The following FAT1 variants were observed in gnomAD, a reference collection of about 807,000 sequenced individuals.
FAT1 encodes the protein FAT atypical cadherin 1.
In FAT1, 171 loss-of-function variants were observed where a neutral mutation model predicts 329.8. The observed-to-expected ratio is 0.52, with a 90% CI of 0.46 to 0.59. FAT1 has a LOEUF of 0.59. Ranked by LOEUF, FAT1 falls within the 20% of genes least tolerant of loss-of-function variation. FAT1 has a pLI of 0.00. For synonymous variants in FAT1, 2,233 were observed against 2,228.6 expected (o/e 1.00, Z -0.06); for missense variants, 5,672 against 5,774.4 (o/e 0.98, Z 0.57).
intron 2 of FAT1, among the ~76,000 whole-genome samples, chr4:186,675,536 G>A (rs1267456291): frequency 2.0e-5 from 3 of 152,118 alleles, no homozygotes; most frequent in Non-Finnish European, 4.4e-5. Context: ...GGAGGCTGAC[G>A]TGGGAGGATT....
chr4:186,616,491 C>T (rs747153222), intron 11 of FAT1, among the ~76,000 whole-genome samples: 1 of 152,106 alleles, frequency 6.6e-6, no homozygotes, highest in Non-Finnish European at 1.5e-5. Flanking sequence ...CCAGGGACCA[C>T]CCCTGCTCGA....
At chr4:186,661,726 A>G (rs775958142) in intron 3 of FAT1, among the ~76,000 whole-genome samples, 1 of 152,198 alleles carries the variant, frequency 6.6e-6, no homozygotes, top group Non-Finnish European at 1.5e-5. Context: ...GCTCCAATAA[A>G]GTAACAGAAC....
intron 1 of FAT1, among the ~76,000 whole-genome samples, chr4:186,714,165 C>T (rs1024398932): frequency 2.0e-5 from 3 of 152,164 alleles, no homozygotes; most frequent in East Asian, 3.9e-4. Context: ...TGGAGGGCGA[C>T]CAGAGCAGTC....
intron 2 of FAT1, among the ~76,000 whole-genome samples, chr4:186,685,335 C>T (rs931987628): frequency 1.4e-4 from 21 of 152,328 alleles, no homozygotes; most frequent in Middle Eastern, 6.8e-3. Flanking sequence ...CGTTAAACCA[C>T]CACCACAATA....
intron 17 of FAT1, 81 bp from the exon 18 acceptor site, chr4:186,604,655 A>G (rs968690723): frequency 2.4e-6 from 2 of 843,332 alleles, no homozygotes; most frequent in African/African-American, 1.7e-5. Context: ...TGAGTTTTCT[A>G]TAATATAAAA....
intron 3 of FAT1, among the ~76,000 whole-genome samples, chr4:186,653,886 G>T (rs528194647): frequency 6.6e-6 from 1 of 151,948 alleles, no homozygotes; most frequent in Non-Finnish European, 1.5e-5. Context: ...TGACCCCTGC[G>T]GTACATGCTT....
Position 186,708,907 on chromosome 4 carries a change from C to T in FAT1, c.921G>A (p.Arg307=), listed in dbSNP as rs781203125. 7.4e-6 allele frequency: 12 copies of T among 1,613,958 alleles called. No individual in the cohort carries two copies. The highest frequency in any genetic ancestry group is 1.0e-5 in the Non-Finnish European group (12 of 1,179,872). ...GDLLQQFRTV[R]SFPGSKEYKV... is the part of the protein sequence containing the mutation. ...TATACTCCTTACTCCCTGGAAAGGA[C>T]CTCACTGTTCTAAACTGCTGGAGAA... The change falls in exon 2 of 27, where the codon AGG becomes AGA. Residue 307 remains arginine (R), a synonymous_variant. Transcript: ENST00000441802.
In FAT1 at chr4:186,596,845, T is replaced by G; in HGVS notation, c.12695A>C (p.Tyr4232Ser). 1.2e-6 allele frequency: 2 copies of G among 1,614,010 alleles called. No individual in the cohort carries two copies. The highest frequency in any genetic ancestry group is 1.7e-6 in the Non-Finnish European group (2 of 1,179,882). ...GTTCTTATTTAGCTTGGAATCAAAA[T>G]ACGGTCTTTGCAAGAAAGCCGTAGC... ...GPATAFLQRP[Y>S]FDSKLNKNIY... is the part of the protein sequence containing the mutation. The change falls in exon 25 of 27, where the codon TAT becomes TCT. Residue 4232 changes from tyrosine (Y) to serine (S), a missense_variant. Tyr to Ser is a moderately radical substitution (Grantham distance 144). Transcript: ENST00000441802. The surrounding 1 kb of genome is among the most constrained non-coding windows in gnomAD (Gnocchi z 4.7).
upstream of FAT1, chr4:186,726,247 G>GCGCTTCCC (rs1745715539): frequency 1.3e-5 from 2 of 152,250 alleles, no homozygotes; most frequent in Admixed American, 1.3e-4. Context: ...AACCCGTAGG[G>GCGCTTCCC]CGCACACGCT....
At chr4:186,697,831 C>T (rs1383256800) in intron 2 of FAT1, among the ~76,000 whole-genome samples, 1 of 152,206 alleles carries the variant, frequency 6.6e-6, no homozygotes, top group Non-Finnish European at 1.5e-5. Flanking sequence ...ACTGACAACC[C>T]TGGAACCTCC....
chr4:186,709,232 G>A lies in FAT1; in HGVS notation c.596C>T (p.Pro199Leu), dbSNP rs2126702560. Residue 199 changes from proline (P) to leucine (L), a missense_variant, in exon 2 of 27, where the codon CCA (proline) becomes CTA (leucine). By Grantham distance (98) the Pro-to-Leu change is moderately conservative. This residue lies in a region of FAT1 where 3,966 missense variants were observed against 3,915.2 expected (regional missense o/e 1.01). Transcript: ENST00000441802. Reference sequence around the variant, plus strand: ...AGTTAACACTATCACACCACTGGTTGGGTGAATAGCAAACATATCTGTTCG... The same window carrying A: ...AGTTAACACTATCACACCACTGGTTAGGTGAATAGCAAACATATCTGTTCG... ...KDRTDMFAIH[P>L]TSGVIVLTGR... 6.2e-7 allele frequency: 1 copy of A among 1,613,972 alleles called. No homozygotes were observed. The highest frequency in any genetic ancestry group is 8.5e-7 in the Non-Finnish European group (1 of 1,179,890).
chr4:186,667,355 G>C (rs928988422), intron 2 of FAT1, among the ~76,000 whole-genome samples: 2 of 152,182 alleles, frequency 1.3e-5, no homozygotes, highest in Non-Finnish European at 2.9e-5. Flanking sequence ...TATTACTAAA[G>C]GTTAAGACTG....
rs374481523 is a variant in FAT1, at chr4:186,628,345, G to C, written c.4619C>G (p.Pro1540Arg). 6.2e-7 allele frequency: 1 copy of C among 1,612,744 alleles called. No individual in the cohort carries two copies. The highest frequency in any genetic ancestry group is 8.5e-7 in the Non-Finnish European group (1 of 1,179,322). ...AATCCTTGCAAAGTTGCGTTTTACA[G>C]GCACATCTTGATCTCGTACCTAAAA... Reference protein sequence around the residue: ...LTVMVRDQDVPVKRNFARIVV... With the variant: ...LTVMVRDQDVRVKRNFARIVV... Residue 1540 changes from proline to arginine, a missense_variant, in exon 9 of 27, where the codon CCT becomes CGT. Physicochemically the swap from Pro to Arg is moderately radical, Grantham distance 103. Transcript: ENST00000441802.
intron 13 of FAT1, among the ~76,000 whole-genome samples, chr4:186,612,439 T>C (rs544653154): frequency 6.6e-6 from 1 of 152,222 alleles, no homozygotes; most frequent in African/African-American, 2.4e-5. Context: ...AAATCTGAAA[T>C]TTGAAATGCT....
intron 1 of FAT1, among the ~76,000 whole-genome samples, chr4:186,722,853 A>G (rs1457862931): frequency 6.6e-6 from 1 of 152,156 alleles, no homozygotes; most frequent in African/African-American, 2.4e-5. Context: ...GGCACCCGGG[A>G]ATTGCTTAAC....
At chr4:186,665,295 G>A (rs1296864509) in intron 2 of FAT1, among the ~76,000 whole-genome samples, 1 of 152,146 alleles carries the variant, frequency 6.6e-6, no homozygotes, top group African/African-American at 2.4e-5. Flanking sequence ...GGTTGAACTA[G>A]TTTACAGTCC....
intron 4 of FAT1, among the ~76,000 whole-genome samples, 164 bp from the exon 5 acceptor site, chr4:186,637,078 G>C (rs1740866362): frequency 6.6e-6 from 1 of 152,162 alleles, no homozygotes; most frequent in Non-Finnish European, 1.5e-5. Flanking sequence ...GCTGTAAGGA[G>C]GTGAGGCAGC....
At chr4:186,600,596 T>C (rs1579297330) in intron 21 of FAT1, among the ~76,000 whole-genome samples, 3 of 152,226 alleles carry the variant, frequency 2.0e-5, no homozygotes, top group Non-Finnish European at 4.4e-5. Context: ...TAATTAACTA[T>C]TAACTGAACA....
intron 2 of FAT1, among the ~76,000 whole-genome samples, chr4:186,675,422 G>A (rs1251923258): frequency 6.6e-6 from 1 of 151,980 alleles, no homozygotes; most frequent in Non-Finnish European, 1.5e-5. Context: ...AGTTGAGATT[G>A]CGCCACCGCA....
Sources: gnomAD v4.1 joint callset for allele counts (sites outside exome capture counted in the v4.1 genomes callset) on GRCh38, gnomAD v4.1.1 for gene constraint, gnomAD v4.1.1 regional missense constraint, Gnocchi (gnomAD v3.1) non-coding constraint, MANE v1.5 for transcripts, NCBI Gene and HGNC (gene_info 2026-07-23, HGNC 2026-07-21) for gene names.